Variants in SPTBN4 observed in about 807,000 individuals in gnomAD.
The protein encoded by SPTBN4 is spectrin beta, non-erythrocytic 4.
Under a neutral mutation model 277.8 loss-of-function variants are expected in SPTBN4, and 96 were observed. The ratio of observed to expected loss-of-function variants is 0.35; its 90% CI spans 0.29 to 0.41. The LOEUF is 0.41. Ranked by LOEUF, SPTBN4 falls within the 10% of genes least tolerant of loss-of-function variation. SPTBN4 has a pLI of 1.00. For synonymous variants in SPTBN4, 1,481 were observed against 1,580.3 expected, an observed-to-expected ratio of 0.94 and a Z score of 1.49; for missense variants, 3,006 against 3,595.7, an observed-to-expected ratio of 0.84 and a Z score of 4.19.
chr19:40,531,486 T>TG, intron 18 of SPTBN4, among the ~76,000 whole-genome samples: 1 of 126,468 alleles, frequency 7.9e-6, no homozygotes, highest in East Asian at 2.2e-4. Context: ...TTTTTTTTTT[T>TG]TTTTTTTTTT....
chr19:40,566,201 G>A lies in SPTBN4; in HGVS notation c.6178G>A (p.Ala2060Thr), dbSNP rs2081090406. 1 of 1,545,902 alleles carries A rather than the reference G, an allele frequency of 6.5e-7. No homozygotes were observed. The highest frequency in any genetic ancestry group is 8.7e-7 in the Non-Finnish European group (1 of 1,143,576). The change falls in exon 30 of 36, where the codon GCT (alanine) becomes ACT (threonine). Residue 2060 changes from alanine (A) to threonine (T), a missense_variant. This residue lies in a region of SPTBN4 where 425 missense variants were observed against 594.7 expected (regional missense o/e 0.71). Transcript: ENST00000598249. ...CCAGTTTGCCCAGGAGGCGGTGGTGGCTGATGCCTGGCTGACAGCCCAGGA... is the reference window on the plus strand; with the variant it reads ...CCAGTTTGCCCAGGAGGCGGTGGTGACTGATGCCTGGCTGACAGCCCAGGA... ...VHQFAQEAVVADAWLTAQEPL... is the reference protein window; with the variant it reads ...VHQFAQEAVVTDAWLTAQEPL...
At chr19:40,544,440 CTTTT>C (rs3071333) in intron 20 of SPTBN4, among the ~76,000 whole-genome samples, 6 of 51,746 alleles carry the variant, frequency 1.2e-4, no homozygotes, top group Admixed American at 2.9e-4. Context: ...TTGTGCCCGG[CTTTT>C]TTTTTTTTTT....
intron 2 of SPTBN4, among the ~76,000 whole-genome samples, chr19:40,484,351 C>T (rs2080045207): frequency 6.6e-6 from 1 of 152,098 alleles, no homozygotes; most frequent in Non-Finnish European, 1.5e-5. Flanking sequence ...TAATAGGAAA[C>T]TTAATATTAT....
At chr19:40,540,036 C>A (rs956184826) in intron 20 of SPTBN4, among the ~76,000 whole-genome samples, 2 of 151,758 alleles carry the variant, frequency 1.3e-5, no homozygotes, top group African/African-American at 2.4e-5. Flanking sequence ...AAGTGATTCT[C>A]CTGCCTCAGC....
chr19:40,564,497 A>G (rs1204975538), intron 27 of SPTBN4, among the ~76,000 whole-genome samples: 7 of 152,196 alleles, frequency 4.6e-5, no homozygotes, highest in African/African-American at 1.2e-4. Flanking sequence ...GAACGTTAAA[A>G]TCATTGGCTA....
At position 40,534,427 on chromosome 19, in the gene SPTBN4, G is replaced by A. The variant is rs1165858; in HGVS notation, c.4359+84G>A. On this transcript the variant is annotated intron_variant, in intron 20 of 35. Transcript: ENST00000598249. The stretch of plus-strand genomic sequence containing the variant: ...TCCAACCCCACTCAAGGTATGTCAA[G>A]TGGAGGGGATTTAATACAGGGATTT... 715,716 of 1,495,286 alleles carry A rather than the reference G, an allele frequency of 0.48. 178,877 individuals carry two copies. The highest frequency in any genetic ancestry group is 0.52 in the Non-Finnish European group (576,675 of 1,111,684). The allele number at this position is 1,495,286 out of a possible 1,614,324, so 92.6% of individuals were successfully genotyped here.
intron 17 of SPTBN4, chr19:40,524,619 G>T (rs764502046): frequency 4.4e-6 from 2 of 456,318 alleles, no homozygotes; most frequent in South Asian, 1.6e-5. Flanking sequence ...GCAGCTAGAG[G>T]CCAGGCACAG....
chr19:40,492,576 C>A (rs914033339), intron 4 of SPTBN4, among the ~76,000 whole-genome samples: 1 of 152,088 alleles, frequency 6.6e-6, no homozygotes, highest in Non-Finnish European at 1.5e-5. Context: ...AAAAGAGGAG[C>A]AAGGATCTGA....
chr19:40,491,081 A>G (rs75520557), intron 4 of SPTBN4, among the ~76,000 whole-genome samples: 5,737 of 152,212 alleles, frequency 0.038, 182 homozygotes, highest in Non-Finnish European at 0.058. Context: ...AGATTATGAT[A>G]AAACAAGTAA....
rs1409134522 is a variant in SPTBN4, at chr19:40,513,105, G to A, written c.2316G>A (p.Ala772=). 13 of 1,439,144 alleles carry A rather than the reference G, an allele frequency of 9.0e-6. No individual in the cohort carries two copies. The highest frequency in any genetic ancestry group is 3.0e-5 in the African/African-American group (2 of 67,062). 89.1% of individuals were successfully genotyped at this position (1,439,144 alleles called of 1,614,324 possible). ...AARRERRLQE[A]RALHQFGADL... is the part of the protein sequence containing the mutation. ...GGCGAGAGCGGCGGCTGCAGGAGGC[G>A]CGGGCGCTGCACCAGTTCGGCGCTG... is the stretch of plus-strand genomic sequence containing the variant. The change falls in exon 14 of 36, where the codon GCG becomes GCA. Residue 772 remains alanine, a synonymous_variant. Coordinates refer to ENST00000598249, the MANE Select transcript of SPTBN4 (RefSeq NM_020971.3).
rs905103284 is a variant in SPTBN4, at chr19:40,515,696, G to A, written c.2903+248G>A. Reference sequence around the variant, plus strand: ...ATTGGATATCTACAATCTGCCAGGAGTATTCCCAAGCACTTTATATACCTT... The same window carrying A: ...ATTGGATATCTACAATCTGCCAGGAATATTCCCAAGCACTTTATATACCTT... On this transcript the variant is annotated intron_variant, in intron 15 of 35. Coordinates refer to ENST00000598249, the MANE Select transcript of SPTBN4 (RefSeq NM_020971.3). This position sits in a 1 kb window ranked among gnomAD's most constrained non-coding sequence, Gnocchi z 4.1. Among the ~76,000 whole-genome samples, 1 of 152,090 alleles carries A rather than the reference G, an allele frequency of 6.6e-6. No homozygotes were observed. Among genetic ancestry groups the A allele is most frequent in the Non-Finnish European group, 1.5e-5 (1 of 68,018 alleles).
At chr19:40,508,972 A>G (rs1391350905) in intron 13 of SPTBN4, among the ~76,000 whole-genome samples, 1 of 152,006 alleles carries the variant, frequency 6.6e-6, no homozygotes, top group Non-Finnish European at 1.5e-5. Context: ...GTCTGTGCTC[A>G]GGCAAGATTA....
intron 6 of SPTBN4, among the ~76,000 whole-genome samples, chr19:40,495,421 T>C (rs960276083): frequency 3.3e-5 from 5 of 152,096 alleles, no homozygotes; most frequent in African/African-American, 1.2e-4. Context: ...GGTGGGAGGA[T>C]CACCTGATGT....
chr19:40,567,897 C>A lies in SPTBN4; in HGVS notation c.6571C>A (p.Arg2191Ser). The A allele has an allele frequency of 6.6e-7, 1 of 1,523,416 alleles. No homozygotes were observed. Among genetic ancestry groups the A allele is most frequent in the Non-Finnish European group, 8.8e-7 (1 of 1,138,460 alleles). 94.4% of individuals were successfully genotyped at this position (1,523,416 alleles called of 1,614,324 possible). ...QELKPERLQP[R>S]IDRLPEIPGR... ...GCTCAAGCCCGAGCGCCTCCAGCCG[C>A]GCATTGACCGGCTGCCGGAGATCCC... The change falls in exon 31 of 36, where the codon CGC becomes AGC. Residue 2191 changes from arginine (R) to serine (S), a missense_variant. This residue lies in a region of SPTBN4 where 630 missense variants were observed against 677.6 expected (regional missense o/e 0.93). Coordinates refer to ENST00000598249, the MANE Select transcript of SPTBN4 (RefSeq NM_020971.3).
rs534742653 is a variant in SPTBN4 at position 40,478,997 on chromosome 19, G to A, written c.169+6207G>A. ...AGCTTAATAGTAACTTCATGATGCTGCTCTCCTGCTGAAACCACCTTGCCA... is the reference window on the plus strand; with the variant it reads ...AGCTTAATAGTAACTTCATGATGCTACTCTCCTGCTGAAACCACCTTGCCA... On this transcript the variant is annotated intron_variant, in intron 2 of 35. Coordinates refer to ENST00000598249, the MANE Select transcript of SPTBN4 (RefSeq NM_020971.3). Among the ~76,000 whole-genome samples the A allele has an allele frequency of 1.5e-4, 23 of 152,332 alleles. No individual in the cohort carries two copies. The East Asian group carries it at 3.9e-3, about 26-fold the overall frequency.
rs71358911 is a variant in SPTBN4 at position 40,504,075 on chromosome 19, C to T, written c.1608C>T (p.Ala536=). The T allele has an allele frequency of 0.091, 146,585 of 1,605,084 alleles. 7,621 individuals carry two copies. Among genetic ancestry groups the T allele is most frequent in the Non-Finnish European group, 0.11 (127,263 of 1,175,596 alleles). ...GGACACGACTTGAGCAGAACCTTGC[C>T]CTGCAGAAGGTCTTCCAGGAGATGG... ...ARRTRLEQNL[A]LQKVFQEMVY... Residue 536 remains alanine (A), a synonymous_variant, in exon 12 of 36, where the codon GCC becomes GCT. Coordinates refer to ENST00000598249, the MANE Select transcript of SPTBN4 (RefSeq NM_020971.3).
chr19:40,516,197 C>T (rs2080458459), intron 15 of SPTBN4, among the ~76,000 whole-genome samples: 2 of 146,776 alleles, frequency 1.4e-5, no homozygotes, highest in African/African-American at 5.1e-5. Context: ...GAGATTGTGC[C>T]ACTGCACTCC....
At chr19:40,556,028 C>T (rs990930401) in intron 24 of SPTBN4, 56 bp from the exon 25 acceptor site, 20 of 1,502,286 alleles carry the variant, frequency 1.3e-5, no homozygotes, top group African/African-American at 4.1e-5. Flanking sequence ...AGGGGGGTCA[C>T]GCTCTGCCCC....
Position 40,567,611 on chromosome 19 carries a change from A to AACCCCC in SPTBN4, c.6337-52_6337-51insACCCCC. 4.5e-5 allele frequency: 53 copies of AACCCCC among 1,190,392 alleles called. No homozygotes were observed. In the Middle Eastern group the frequency reaches 7.3e-4, roughly 16 times the overall value. The allele number at this position is 1,190,392 out of a possible 1,614,324, so 73.7% of individuals were successfully genotyped here. A position where few individuals can be genotyped will look rare whatever the true frequency, so the allele number is the denominator to read the frequency against. On this transcript the variant is annotated intron_variant, in intron 30 of 35. Coordinates refer to ENST00000598249, the MANE Select transcript of SPTBN4 (RefSeq NM_020971.3). ...GGCCGCCTCCCCGGACCTCCCCCTT[A>AACCCCC]CCCCGCCCCGGCCCCACGCCTCCAA...
Sources: gnomAD v4.1 joint callset for allele counts (sites outside exome capture counted in the v4.1 genomes callset) on GRCh38, gnomAD v4.1.1 for gene constraint, gnomAD v4.1.1 regional missense constraint, Gnocchi (gnomAD v3.1) non-coding constraint, MANE v1.5 for transcripts, NCBI Gene and HGNC (gene_info 2026-07-23, HGNC 2026-07-21) for gene names.